The following VRK2 variants were observed in gnomAD, a reference collection of about 807,000 sequenced individuals.
The protein encoded by VRK2 is VRK serine/threonine kinase 2.
Under a neutral mutation model 57.6 loss-of-function variants are expected in VRK2, and 60 were observed. The observed-to-expected ratio is 1.04, with a 90% CI of 0.85 to 1.29. The LOEUF is 1.29. Ranked by LOEUF, VRK2 falls within the 50% of genes most tolerant of loss-of-function variation. VRK2 has a pLI of 0.00. For synonymous variants in VRK2, 231 were observed against 199.2 expected (o/e 1.16, Z -1.35); for missense variants, 705 against 588.1 (o/e 1.20, Z -2.06).
At chr2:58,115,418 T>G (rs1214487133) in intron 7 of VRK2, among the ~76,000 whole-genome samples, 1 of 151,982 alleles carries the variant, frequency 6.6e-6, no homozygotes, top group Non-Finnish European at 1.5e-5. Context: ...AAATAGATTT[T>G]GGAAGTTACG....
At chr2:58,086,051 T>C (rs1456017961) in intron 4 of VRK2, among the ~76,000 whole-genome samples, 14 of 151,422 alleles carry the variant, frequency 9.2e-5, no homozygotes, top group Non-Finnish European at 1.5e-5. Flanking sequence ...TTAGCTAGTA[T>C]ATAAGATAAT....
chr2:58,146,469 G>A lies in VRK2; in HGVS notation c.1177G>A (p.Ala393Thr). 1.9e-6 allele frequency: 3 copies of A among 1,608,626 alleles called. No homozygotes were observed. Among genetic ancestry groups the A allele is most frequent in the Non-Finnish European group, 2.5e-6 (3 of 1,176,788 alleles). The change falls in exon 12 of 13, where the codon GCT becomes ACT. Residue 393 changes from alanine (A) to threonine (T), a missense_variant. Physicochemically the swap from Ala to Thr is moderately conservative, Grantham distance 58 (BLOSUM62 0). Transcript: ENST00000340157. ...GATTGGATTGATGAACAATGAAGCA[G>A]CTCAGGTGAGAGGGTTGTTTGTGTG... is the stretch of plus-strand genomic sequence containing the variant. ...KLIGLMNNEA[A>T]QESTRRRQKY...
At chr2:57,932,172 T>C (rs1302144647) in intron 1 of VRK2, among the ~76,000 whole-genome samples, 2 of 152,152 alleles carry the variant, frequency 1.3e-5, no homozygotes, top group African/African-American at 2.4e-5. Flanking sequence ...TTTCCTTGTT[T>C]TGTCCTTGTC....
intron 1 of VRK2, among the ~76,000 whole-genome samples, chr2:58,019,752 T>C (rs1308693986): frequency 6.6e-6 from 1 of 152,202 alleles, no homozygotes; most frequent in Non-Finnish European, 1.5e-5. Context: ...TAGTTTCCTA[T>C]TGCTCAGAGT....
At chr2:58,066,788 T>G (rs1668671599) in intron 2 of VRK2, among the ~76,000 whole-genome samples, 1 of 152,214 alleles carries the variant, frequency 6.6e-6, no homozygotes, top group Non-Finnish European at 1.5e-5. Context: ...GGTTATTTGT[T>G]TTAGGTAACT....
At chr2:58,083,748 C>T (rs1409301769) in intron 2 of VRK2, among the ~76,000 whole-genome samples, 1 of 151,646 alleles carries the variant, frequency 6.6e-6, no homozygotes, top group Admixed American at 6.6e-5. Flanking sequence ...TAAAATATTT[C>T]CCCCCACATT....
At chr2:58,125,692 G>GAT (rs200492350) in intron 8 of VRK2, among the ~76,000 whole-genome samples, 19 of 151,472 alleles carry the variant, frequency 1.3e-4, no homozygotes, top group African/African-American at 1.7e-4. Flanking sequence ...TAGGCATATT[G>GAT]ATATATATAT....
intron 7 of VRK2, among the ~76,000 whole-genome samples, chr2:58,112,576 G>GAA (rs35166006): frequency 0.015 from 2,137 of 140,550 alleles, 60 homozygotes; most frequent in African/African-American, 0.05. Flanking sequence ...ATAGTAACAG[G>GAA]AAAAAAAAAA....
At chr2:57,923,906 G>T (rs1670440126) in intron 1 of VRK2, among the ~76,000 whole-genome samples, 1 of 151,892 alleles carries the variant, frequency 6.6e-6, no homozygotes, top group Admixed American at 6.6e-5. Context: ...TTTGTATGGG[G>T]AGAGATAGGG....
chr2:58,132,873 T>C (rs1679421173), intron 9 of VRK2, among the ~76,000 whole-genome samples: 5 of 152,218 alleles, frequency 3.3e-5, no homozygotes, highest in Admixed American at 3.3e-4. Context: ...TTGATCATCC[T>C]AGTCCCTTAC....
chr2:58,090,905 C>T (rs1672285532), intron 7 of VRK2, among the ~76,000 whole-genome samples: 2 of 152,178 alleles, frequency 1.3e-5, no homozygotes, highest in South Asian at 4.1e-4. Context: ...CATGAAAAAA[C>T]ATGGAAGAAA....
At chr2:57,962,743 G>A (rs986437576) in intron 1 of VRK2, among the ~76,000 whole-genome samples, 1 of 152,134 alleles carries the variant, frequency 6.6e-6, no homozygotes. Flanking sequence ...TGGCAGAAAT[G>A]TAAGAAAAAG....
At chr2:57,914,345 C>T (rs572538463) in intron 1 of VRK2, among the ~76,000 whole-genome samples, 49 of 151,526 alleles carry the variant, frequency 3.2e-4, no homozygotes, top group Middle Eastern at 3.4e-3. Flanking sequence ...TAGCCTAGGA[C>T]ATAGCACACA....
At chr2:58,036,223 T>C (rs116733788) in intron 3 of VRK2, among the ~76,000 whole-genome samples, 2,408 of 152,082 alleles carry the variant, frequency 0.016, 71 homozygotes, top group African/African-American at 0.055. Context: ...AGCAGTATTG[T>C]ATATCCTTTT....
chr2:58,113,183 G>A (rs1425284925), intron 7 of VRK2, among the ~76,000 whole-genome samples: 1 of 151,710 alleles, frequency 6.6e-6, no homozygotes, highest in African/African-American at 2.4e-5. Context: ...GTGGCACACG[G>A]CTGTAATCCC....
chr2:58,101,954 G>A (rs1674029367), intron 7 of VRK2, among the ~76,000 whole-genome samples: 1 of 151,600 alleles, frequency 6.6e-6, no homozygotes. Flanking sequence ...AAATGAATTT[G>A]TTAATCAATG....
At position 58,122,733 on chromosome 2, in the gene VRK2, G is replaced by A. The variant is rs551409037; in HGVS notation, c.544-368G>A. The stretch of plus-strand genomic sequence containing the variant: ...CCCTTCCTGCTTGAAATAGTTTTAT[G>A]TTTCAGGGAGGGGTTACAGGAAAAA... On this transcript the variant is annotated intron_variant, in intron 7 of 12. Transcript: ENST00000340157. Among the ~76,000 whole-genome samples, 3 of 152,184 alleles carry A rather than the reference G, an allele frequency of 2.0e-5. No homozygotes were observed. In the South Asian group the frequency reaches 6.2e-4, roughly 32 times the overall value.
intron 1 of VRK2, among the ~76,000 whole-genome samples, chr2:57,940,481 C>CA (rs1671057928): frequency 6.6e-6 from 1 of 152,030 alleles, no homozygotes; most frequent in Non-Finnish European, 1.5e-5. Context: ...CCCTCACAGA[C>CA]AAAACCAGAA....
chr2:57,914,105 T>C lies in VRK2; in HGVS notation c.-439+6266T>C, dbSNP rs538143422. Among the ~76,000 whole-genome samples the C allele has an allele frequency of 2.0e-5, 3 of 152,216 alleles. No homozygotes were observed. The South Asian group carries it at 6.2e-4, about 32-fold the overall frequency. The stretch of plus-strand genomic sequence containing the variant: ...GTTTTGAAACTTCAAGAATATCTAC[T>C]TCTGAAATTAGGATCCTCTGTCCAT... On this transcript the variant is annotated intron_variant, in intron 1 of 15. Transcript: ENST00000417641.
Sources: gnomAD v4.1 joint callset for allele counts (sites outside exome capture counted in the v4.1 genomes callset) on GRCh38, gnomAD v4.1.1 for gene constraint, MANE v1.5 for transcripts, NCBI Gene and HGNC (gene_info 2026-07-23, HGNC 2026-07-21) for gene names.